PCCA: variants seen among roughly 807,000 people sequenced by gnomAD.
PCCA encodes the protein propionyl-CoA carboxylase subunit alpha.
PCCA carries 74 observed loss-of-function variants against 101.3 expected under a neutral mutation model. The ratio of observed to expected loss-of-function variants is 0.73; its 90% confidence interval spans 0.61 to 0.89. The LOEUF (loss-of-function observed/expected upper bound fraction) is 0.89, where lower values mean the gene tolerates loss of function less well. PCCA is among the 40% of genes least tolerant of loss of function. The probability of loss-of-function intolerance (pLI) is 0.00; values close to 1 mark genes in which losing one functional copy is unlikely to be tolerated. For missense variants in PCCA, 891 were observed against 907.0 expected, an observed-to-expected ratio of 0.98 and a Z score of 0.23; for synonymous variants, 294 against 313.6, an observed-to-expected ratio of 0.94 and a Z score of 0.66.
intron 20 of PCCA, among the ~76,000 whole-genome samples, chr13:100,428,098 G>A (rs759903348): frequency 6.6e-6 from 1 of 151,284 alleles, no homozygotes; most frequent in Non-Finnish European, 1.5e-5. Flanking sequence ...ACAGGATCTC[G>A]CTCTGTCACC....
chr13:100,333,652 A>G (rs1423636327), intron 17 of PCCA, among the ~76,000 whole-genome samples: 1 of 152,196 alleles, frequency 6.6e-6, no homozygotes, highest in Non-Finnish European at 1.5e-5. Context: ...AAGAACTATA[A>G]TTTCATTTGG....
chr13:100,349,599 C>G (rs558124313), intron 18 of PCCA, among the ~76,000 whole-genome samples: 1 of 152,348 alleles, frequency 6.6e-6, no homozygotes, highest in African/African-American at 2.4e-5. Context: ...TAATTTCCCT[C>G]TTGGTATTTG....
intron 17 of PCCA, among the ~76,000 whole-genome samples, chr13:100,335,178 G>A (rs1319075681): frequency 1.3e-5 from 2 of 152,022 alleles, no homozygotes; most frequent in African/African-American, 4.8e-5. Context: ...AGTTAAATAA[G>A]GATTCAGAAC....
intron 12 of PCCA, among the ~76,000 whole-genome samples, chr13:100,294,012 G>A (rs973963021): frequency 6.6e-6 from 1 of 152,096 alleles, no homozygotes; most frequent in South Asian, 2.1e-4. Context: ...TCATACACTG[G>A]GGTGGCTGAA....
intron 21 of PCCA, among the ~76,000 whole-genome samples, chr13:100,486,351 C>G (rs572746310): frequency 1.3e-5 from 2 of 152,204 alleles, no homozygotes; most frequent in Non-Finnish European, 2.9e-5. Context: ...TGGGAACTAA[C>G]TGGATAAGTT....
At chr13:100,151,601 C>T (rs9300592) in intron 4 of PCCA, among the ~76,000 whole-genome samples, 1 of 151,020 alleles carries the variant, frequency 6.6e-6, no homozygotes, top group African/African-American at 2.4e-5. Context: ...AAAAAAAAAA[C>T]CAAACAAACA....
intron 7 of PCCA, among the ~76,000 whole-genome samples, chr13:100,228,899 C>G (rs369253861): frequency 1.2e-5 from 1 of 83,488 alleles, no homozygotes; most frequent in Admixed American, 1.3e-4. Context: ...GACTCTTTCT[C>G]AAAAAAAAAA....
At chr13:100,459,298 A>G (rs1253194108) in intron 21 of PCCA, among the ~76,000 whole-genome samples, 1 of 152,192 alleles carries the variant, frequency 6.6e-6, no homozygotes, top group Non-Finnish European at 1.5e-5. Context: ...GAATTTTGGG[A>G]TGACACTATT....
At chr13:100,164,451 CA>C (rs1233304019) in intron 6 of PCCA, among the ~76,000 whole-genome samples, 3 of 152,170 alleles carry the variant, frequency 2.0e-5, no homozygotes, top group Non-Finnish European at 2.9e-5. Flanking sequence ...AGGGTTACAG[CA>C]GGCTGTTTCA....
At chr13:100,285,908 C>T (rs1029603761) in intron 12 of PCCA, among the ~76,000 whole-genome samples, 8 of 152,202 alleles carry the variant, frequency 5.3e-5, no homozygotes, top group African/African-American at 1.7e-4. Flanking sequence ...TGAAAGCAAG[C>T]CTCTTACCCC....
At chr13:100,453,127 C>T (rs559355799) in intron 21 of PCCA, among the ~76,000 whole-genome samples, 2 of 152,060 alleles carry the variant, frequency 1.3e-5, no homozygotes, top group South Asian at 2.1e-4. Flanking sequence ...GAGGCTACAG[C>T]GAGCCGTGAT....
At chr13:100,260,536 A>G (rs531236605) in intron 9 of PCCA, among the ~76,000 whole-genome samples, 1 of 151,956 alleles carries the variant, frequency 6.6e-6, no homozygotes, top group Non-Finnish European at 1.5e-5. Context: ...AGCTGGGACT[A>G]CAGGCGCACA....
At chr13:100,378,776 G>A (rs1454832877) in intron 19 of PCCA, among the ~76,000 whole-genome samples, 8 of 151,696 alleles carry the variant, frequency 5.3e-5, no homozygotes, top group Non-Finnish European at 1.0e-4. Flanking sequence ...GAATGTGTCT[G>A]ATTCTTTTTT....
intron 11 of PCCA, among the ~76,000 whole-genome samples, chr13:100,272,732 A>G (rs1337838472): frequency 1.3e-5 from 2 of 152,214 alleles, no homozygotes; most frequent in Admixed American, 6.5e-5. Flanking sequence ...ACAAAGGACC[A>G]TGAAAGCGCC....
rs528197520 is a variant in PCCA, at chr13:100,264,242, CAT to C, written c.819+1418_819+1419del. Among the ~76,000 whole-genome samples, 280 of 147,366 alleles carry C rather than the reference CAT, an allele frequency of 1.9e-3. 9 individuals carry two copies. The highest frequency in any genetic ancestry group is 6.7e-3 in the African/African-American group (266 of 39,720). ...TCATATATATGTGATATCTGTATAT[CAT>C]ATATATGTGATATCTGTATCTCATA... is the stretch of plus-strand genomic sequence containing the variant. On this transcript the variant is annotated intron_variant, in intron 10 of 23. Transcript: ENST00000376285.
chr13:100,280,994 AAAC>A (rs1416322102), intron 12 of PCCA, among the ~76,000 whole-genome samples: 3 of 152,210 alleles, frequency 2.0e-5, no homozygotes, highest in East Asian at 1.9e-4. Context: ...ACAAACAAAC[AAAC>A]AACAACAACA....
chr13:100,189,050 CT>C (rs2057542593), intron 6 of PCCA, among the ~76,000 whole-genome samples: 1 of 152,142 alleles, frequency 6.6e-6, no homozygotes, highest in African/African-American at 2.4e-5. Context: ...CCCCCACCCC[CT>C]GACAGGCCCC....
chr13:100,265,826 A>G (rs567785990), intron 10 of PCCA, among the ~76,000 whole-genome samples: 3 of 130,138 alleles, frequency 2.3e-5, no homozygotes, highest in South Asian at 5.9e-4. Flanking sequence ...TAATAGATGG[A>G]TGTTATGTAC....
At chr13:100,476,280 C>T (rs1482585710) in intron 21 of PCCA, among the ~76,000 whole-genome samples, 1 of 152,184 alleles carries the variant, frequency 6.6e-6, no homozygotes, top group African/African-American at 2.4e-5. Flanking sequence ...GCAGTTTCCT[C>T]TTGTTGCCTG....
Sources: allele counts gnomAD v4.1 joint callset (sites outside exome capture counted in the v4.1 genomes callset), GRCh38; gene constraint gnomAD v4.1.1; transcripts MANE v1.5; gene names NCBI Gene and HGNC (gene_info 2026-07-23, HGNC 2026-07-21).